Variants in HDGFL3 observed in about 807,000 individuals in gnomAD.
HDGFL3 encodes hepatoma-derived growth factor-related protein 3.
A neutral mutation model predicts 27.6 loss-of-function variants in HDGFL3; 6 were observed. That is an observed-to-expected ratio of 0.22 (90% CI 0.12 to 0.43). HDGFL3 has a LOEUF of 0.43. HDGFL3 is among the 20% of genes least tolerant of loss of function. The probability of loss-of-function intolerance (pLI) is 1.00; values close to 1 mark genes in which losing one functional copy is unlikely to be tolerated. For missense variants in HDGFL3, 207 were observed against 250.1 expected (o/e 0.83, Z 1.16); for synonymous variants, 88 against 88.9 (o/e 0.99, Z 0.05).
At chr15:83,190,149 A>G (rs1219748271) in intron 1 of HDGFL3, among the ~76,000 whole-genome samples, 1 of 150,270 alleles carries the variant, frequency 6.7e-6, no homozygotes, top group Non-Finnish European at 1.5e-5. Flanking sequence ...GGGAGCCTGC[A>G]GTGAGCCATG....
At position 83,127,814 on chromosome 15, in the gene HDGFL3, G is replaced by T. The variant is rs927746988; in HGVS notation, c.*11456C>A. 3 of 268,422 alleles carry T rather than the reference G, an allele frequency of 1.1e-5. No homozygotes were observed. Among genetic ancestry groups the T allele is most frequent in the Admixed American group, 5.8e-5 (1 of 17,098 alleles). The allele number at this position is 268,422 out of a possible 1,614,324, so 16.6% of individuals were successfully genotyped here. A position where few individuals can be genotyped will look rare whatever the true frequency, so the allele number is the denominator to read the frequency against. ...TCTGAATACCATGGCTACTAAAAAA[G>T]GATTGAGAGCTGTCACCTTCAAAAT... On this transcript the variant is annotated 3_prime_UTR_variant, in exon 6 of 6. Transcript: ENST00000299633.
intron 1 of HDGFL3, among the ~76,000 whole-genome samples, chr15:83,171,193 T>TC (rs1416410781): frequency 1.8e-5 from 2 of 112,434 alleles, no homozygotes; most frequent in African/African-American, 6.5e-5. Flanking sequence ...CTGCTATCCC[T>TC]CCCCCCTCCC....
At chr15:83,159,468 A>G (rs2037071267) in intron 2 of HDGFL3, among the ~76,000 whole-genome samples, 1 of 152,218 alleles carries the variant, frequency 6.6e-6, no homozygotes, top group Non-Finnish European at 1.5e-5. Flanking sequence ...GAACAAAGAG[A>G]CAAACATCTC....
intron 3 of HDGFL3, chr15:83,122,112 C>T: frequency 1.1e-6 from 1 of 899,236 alleles, no homozygotes; most frequent in South Asian, 1.6e-5. Flanking sequence ...TCCAAGCTTA[C>T]TAAAAACCTG....
intron 2 of HDGFL3, among the ~76,000 whole-genome samples, chr15:83,163,405 C>T (rs926748846): frequency 6.6e-6 from 1 of 152,156 alleles, no homozygotes; most frequent in African/African-American, 2.4e-5. Flanking sequence ...GAAGCAGCTC[C>T]GGTCCCTAGG....
At chr15:83,158,801 AG>A (rs1240411326) in intron 2 of HDGFL3, among the ~76,000 whole-genome samples, 1 of 152,186 alleles carries the variant, frequency 6.6e-6, no homozygotes, top group Non-Finnish European at 1.5e-5. Flanking sequence ...CTACAGATAA[AG>A]GGGGCACTAC....
At chr15:83,147,002 T>G (rs973231399) in intron 5 of HDGFL3, among the ~76,000 whole-genome samples, 2 of 152,088 alleles carry the variant, frequency 1.3e-5, no homozygotes, top group Non-Finnish European at 2.9e-5. Flanking sequence ...ACTCTGCCTT[T>G]CCTTCCAATT....
chr15:83,152,072 T>C (rs1875865003), intron 4 of HDGFL3, among the ~76,000 whole-genome samples: 1 of 152,210 alleles, frequency 6.6e-6, no homozygotes, highest in African/African-American at 2.4e-5. Context: ...GCCCCAATTG[T>C]GCGCCTTAAG....
chr15:83,192,710 T>C (rs1269996203), intron 1 of HDGFL3, among the ~76,000 whole-genome samples: 2 of 152,210 alleles, frequency 1.3e-5, no homozygotes, highest in African/African-American at 2.4e-5. Context: ...AACAAAATCT[T>C]AAGTTTTGGG....
rs984297346 is a variant in HDGFL3, at chr15:83,134,270, G to A, written c.*5000C>T. ...GAGTCTCACTCTGTCACCCAGGCTG[G>A]AGTGCAGTGGCACAATCTTGGCTCA... On this transcript the variant is annotated 3_prime_UTR_variant, in exon 6 of 6. Transcript: ENST00000299633. 1 of 151,932 alleles carries A rather than the reference G, an allele frequency of 6.6e-6. No homozygotes were observed. Among genetic ancestry groups the A allele is most frequent in the Non-Finnish European group, 1.5e-5 (1 of 68,048 alleles). 9.4% of individuals were successfully genotyped at this position (151,932 alleles called of 1,614,324 possible).
rs538705692 is a variant in HDGFL3, at chr15:83,207,307, C to A, written c.84+24G>T. The stretch of plus-strand genomic sequence containing the variant: ...AAGGGGAAAATGGTGGGCGGGCGGG[C>A]CCGCGCGCGGCCGCGGTACTCACCC... On this transcript the variant is annotated intron_variant, in intron 1 of 5. Transcript: ENST00000299633. The surrounding 1 kb of genome is among the most constrained non-coding windows in gnomAD (Gnocchi z 4.8). 121 of 1,332,948 alleles carry A rather than the reference C, an allele frequency of 9.1e-5. 1 individual carries two copies. In the East Asian group the frequency reaches 3.4e-3, roughly 37 times the overall value. The allele number at this position is 1,332,948 out of a possible 1,614,324, so 82.6% of individuals were successfully genotyped here. A position where few individuals can be genotyped will look rare whatever the true frequency, so the allele number is the denominator to read the frequency against.
At chr15:83,191,622 T>A (rs2037511673) in intron 1 of HDGFL3, among the ~76,000 whole-genome samples, 2 of 152,206 alleles carry the variant, frequency 1.3e-5, no homozygotes, top group African/African-American at 4.8e-5. Context: ...ATCTAACATG[T>A]TATAAACCTT....
intron 1 of HDGFL3, among the ~76,000 whole-genome samples, chr15:83,174,483 A>C (rs1038634577): frequency 6.7e-6 from 1 of 150,040 alleles, no homozygotes; most frequent in African/African-American, 2.5e-5. Flanking sequence ...TATATGTTAC[A>C]TTGAGCACCA....
intron 4 of HDGFL3, among the ~76,000 whole-genome samples, chr15:83,155,832 C>G (rs1297349179): frequency 6.6e-6 from 1 of 152,162 alleles, no homozygotes; most frequent in Non-Finnish European, 1.5e-5. Context: ...ATGTGACAGA[C>G]CAATTATAGT....
exon 4 of HDGFL3, chr15:83,112,879 C>T (rs1989): frequency 0.086 from 138,615 of 1,613,484 alleles, 6,777 homozygotes; most frequent in Middle Eastern, 0.15. Context: ...AAGAAAACCA[C>T]CCCGGGACCC....
At chr15:83,186,972 C>G (rs557752658) in intron 1 of HDGFL3, among the ~76,000 whole-genome samples, 5 of 152,080 alleles carry the variant, frequency 3.3e-5, no homozygotes. Context: ...CATTCTCCAT[C>G]TGAACCAGCA....
chr15:83,115,672 G>A (rs1567136006), exon 4 of HDGFL3: 1 of 698,162 alleles, frequency 1.4e-6, no homozygotes, highest in Admixed American at 2.0e-5. Flanking sequence ...GCGAACACAG[G>A]TGGAGGTCCA....
chr15:83,187,599 G>C (rs2037460302), intron 1 of HDGFL3, among the ~76,000 whole-genome samples: 1 of 152,220 alleles, frequency 6.6e-6, no homozygotes, highest in South Asian at 2.1e-4. Flanking sequence ...TTAGAAAAAG[G>C]CTGCAGTGGC....
At chr15:83,118,304 C>T (rs1459551298) in intron 3 of HDGFL3, among the ~76,000 whole-genome samples, 1 of 151,790 alleles carries the variant, frequency 6.6e-6, no homozygotes, top group African/African-American at 2.4e-5. Context: ...AGATGGAAGG[C>T]TGGTTGAGGG....
Sources: gnomAD v4.1 joint callset for allele counts (sites outside exome capture counted in the v4.1 genomes callset) on GRCh38, gnomAD v4.1.1 for gene constraint, Gnocchi (gnomAD v3.1) non-coding constraint, MANE v1.5 for transcripts, NCBI Gene and HGNC (gene_info 2026-07-23, HGNC 2026-07-21) for gene names.